MATCAP2: variants seen among roughly 807,000 people sequenced by gnomAD.
MATCAP2 encodes the protein putative tyrosine carboxypeptidase MATCAP2.
the MATCAP2 span, among the ~76,000 whole-genome samples, chr7:36,363,080 C>A: frequency 6.6e-6 from 1 of 152,090 alleles, no homozygotes; most frequent in Non-Finnish European, 1.5e-5. Flanking sequence ...GGGTAAAAGA[C>A]TTAGTTGCCT....
the MATCAP2 span, among the ~76,000 whole-genome samples, chr7:36,381,356 T>C: frequency 6.6e-6 from 1 of 151,936 alleles, no homozygotes; most frequent in South Asian, 2.1e-4. Flanking sequence ...GTTGGAAGGT[T>C]TGAGGAATGT....
At chr7:36,344,588 C>T in the MATCAP2 span, among the ~76,000 whole-genome samples, 1 of 152,204 alleles carries the variant, frequency 6.6e-6, no homozygotes, top group African/African-American at 2.4e-5. Context: ...TTGGAATCTC[C>T]TGGCCTTTCT....
At chr7:36,360,769 C>G in the MATCAP2 span, among the ~76,000 whole-genome samples, 175 of 152,290 alleles carry the variant, frequency 1.1e-3, 1 homozygote, top group Middle Eastern at 3.4e-3. Context: ...AGGCCGATAA[C>G]ATTTGACACA....
At chr7:36,331,170 C>T in the MATCAP2 span, 1 of 685,134 alleles carries the variant, frequency 1.5e-6, no homozygotes, top group South Asian at 1.9e-5. Context: ...GGAATCAGTC[C>T]TGTATTAAAA....
At chr7:36,333,291 A>T in the MATCAP2 span, among the ~76,000 whole-genome samples, 1 of 152,248 alleles carries the variant, frequency 6.6e-6, no homozygotes, top group East Asian at 1.9e-4. Flanking sequence ...TTCTATTTCT[A>T]TAAAATGTTC....
the MATCAP2 span, among the ~76,000 whole-genome samples, chr7:36,328,240 A>AGGGGGGG: frequency 1.4e-5 from 1 of 70,324 alleles, no homozygotes; most frequent in Non-Finnish European, 2.9e-5. Context: ...TTGTTTTTGT[A>AGGGGGGG]GGGGGGGGGG....
chr7:36,339,602 A>G, the MATCAP2 span, among the ~76,000 whole-genome samples: 1 of 152,242 alleles, frequency 6.6e-6, no homozygotes, highest in South Asian at 2.1e-4. Context: ...CAACTAAGAC[A>G]ATTAAAAGCA....
At chr7:36,376,318 A>G in the MATCAP2 span, among the ~76,000 whole-genome samples, 1 of 152,208 alleles carries the variant, frequency 6.6e-6, no homozygotes, top group South Asian at 2.1e-4. Flanking sequence ...TTCAAAGAAC[A>G]TCTTTATTTC....
chr7:36,356,818 A>C, the MATCAP2 span: 1 of 1,141,480 alleles, frequency 8.8e-7, no homozygotes, highest in East Asian at 2.5e-5. Context: ...AATATTTTTA[A>C]ATGTCTTTGT....
the MATCAP2 span, among the ~76,000 whole-genome samples, chr7:36,373,103 T>TAA: frequency 1.7e-5 from 2 of 116,160 alleles, no homozygotes; most frequent in African/African-American, 3.3e-5. Flanking sequence ...AGACTTCATC[T>TAA]AAAAAAAAAA....
At chr7:36,337,842 A>T in the MATCAP2 span, 1 of 152,170 alleles carries the variant, frequency 6.6e-6, no homozygotes, top group African/African-American at 2.4e-5. Context: ...TTTATTGAGA[A>T]AATTTAGTTA....
the MATCAP2 span, among the ~76,000 whole-genome samples, chr7:36,366,486 T>C: frequency 3.3e-5 from 5 of 152,214 alleles, no homozygotes; most frequent in African/African-American, 1.2e-4. Flanking sequence ...AATAAAAGCA[T>C]ACACACACAA....
chr7:36,343,662 AAAG>A, the MATCAP2 span, among the ~76,000 whole-genome samples: 1 of 150,690 alleles, frequency 6.6e-6, no homozygotes, highest in Admixed American at 6.6e-5. Context: ...AGAAGGAAGG[AAAG>A]AAAGTAAAGG....
At chr7:36,362,157 A>G in the MATCAP2 span, among the ~76,000 whole-genome samples, 1 of 152,240 alleles carries the variant, frequency 6.6e-6, no homozygotes, top group African/African-American at 2.4e-5. Context: ...TTAATGGTGT[A>G]TAAAATCAGT....
At chr7:36,378,602 C>G in the MATCAP2 span, among the ~76,000 whole-genome samples, 2 of 152,314 alleles carry the variant, frequency 1.3e-5, no homozygotes, top group East Asian at 3.9e-4. Flanking sequence ...GCTTAAACAC[C>G]ATGCTGGGAG....
At chr7:36,336,825 T>C in the MATCAP2 span, among the ~76,000 whole-genome samples, 1 of 152,028 alleles carries the variant, frequency 6.6e-6, no homozygotes, top group Non-Finnish European at 1.5e-5. Flanking sequence ...CCAGGCATGG[T>C]GGCTCATGCC....
chr7:36,368,580 G>C, the MATCAP2 span, among the ~76,000 whole-genome samples: 1 of 152,148 alleles, frequency 6.6e-6, no homozygotes, highest in Non-Finnish European at 1.5e-5. Flanking sequence ...GACAGTCTCT[G>C]TATTCCCACC....
chr7:36,358,621 C>T, the MATCAP2 span, among the ~76,000 whole-genome samples: 6 of 152,208 alleles, frequency 3.9e-5, no homozygotes, highest in African/African-American at 1.4e-4. Flanking sequence ...ATAAGAATCA[C>T]TGGATATACT....
At chr7:36,384,892 T>C in the MATCAP2 span, among the ~76,000 whole-genome samples, 2 of 151,274 alleles carry the variant, frequency 1.3e-5, no homozygotes, top group East Asian at 3.9e-4. Flanking sequence ...AGTATTGTGA[T>C]GTTAGGAGAA....
Sources: gnomAD v4.1 joint callset for allele counts (sites outside exome capture counted in the v4.1 genomes callset) on GRCh38, gnomAD v4.1.1 for gene constraint, MANE v1.5 for transcripts, NCBI Gene and HGNC (gene_info 2026-07-23, HGNC 2026-07-21) for gene names.